DTD1: variants seen among roughly 807,000 people sequenced by gnomAD.
DTD1 encodes the protein D-aminoacyl-tRNA deacylase 1.
In DTD1, 13 loss-of-function variants were observed where a neutral mutation model predicts 25.6. The ratio of observed to expected loss-of-function variants is 0.51; its 90% CI spans 0.33 to 0.81. The LOEUF is 0.81. Among genes scored for constraint, DTD1 ranks in the 30% least tolerant of loss-of-function variants. The pLI, the probability that DTD1 is intolerant of heterozygous loss-of-function variation, is 0.02. For missense variants in DTD1, 193 were observed against 266.4 expected, an observed-to-expected ratio of 0.72 and a Z score of 1.92; for synonymous variants, 110 against 103.6, an observed-to-expected ratio of 1.06 and a Z score of -0.37.
In DTD1 at chr20:18,753,390, C is replaced by G. The variant is rs898113214; in HGVS notation, c.*19+9119C>G. Among the ~76,000 whole-genome samples the G allele has an allele frequency of 2.0e-4, 31 of 151,918 alleles. 1 individual carries two copies. Among genetic ancestry groups the G allele is most frequent in the Admixed American group, 2.0e-3 (31 of 15,248 alleles). On this transcript the variant is annotated intron_variant, in intron 5 of 5. Coordinates refer to ENST00000377452, the MANE Select transcript of DTD1 (RefSeq NM_080820.6). ...TGGGAGGCCGAGGCGGGTGGATCAC[C>G]TGAGGTCAGGAGTTCAAGATCAGCC...
At chr20:18,702,742 G>A (rs1286176867) in intron 4 of DTD1, among the ~76,000 whole-genome samples, 1 of 59,134 alleles carries the variant, frequency 1.7e-5, no homozygotes, top group Admixed American at 1.6e-4. Context: ...TCTGGAATGA[G>A]GCAAAAAAAA....
At chr20:18,633,960 T>C (rs1216899529) in intron 4 of DTD1, among the ~76,000 whole-genome samples, 1 of 152,144 alleles carries the variant, frequency 6.6e-6, no homozygotes. Flanking sequence ...GTCCTGGCAG[T>C]GATAAGTTGG....
intron 4 of DTD1, among the ~76,000 whole-genome samples, chr20:18,635,611 G>C (rs1298830694): frequency 6.6e-6 from 1 of 152,214 alleles, no homozygotes; most frequent in African/African-American, 2.4e-5. Context: ...GTCAGTGCCT[G>C]GGGGAATGCC....
intron 4 of DTD1, among the ~76,000 whole-genome samples, chr20:18,677,445 GA>G (rs1265008371): frequency 1.3e-5 from 2 of 151,998 alleles, no homozygotes; most frequent in African/African-American, 4.8e-5. Flanking sequence ...TCTTATTTAA[GA>G]ACACTTGACA....
intron 1 of DTD1, among the ~76,000 whole-genome samples, chr20:18,588,384 C>G (rs965037222): frequency 7.2e-5 from 11 of 152,152 alleles, no homozygotes; most frequent in African/African-American, 2.7e-4. Flanking sequence ...GACCAGCGCG[C>G]CTCATTCTCA....
chr20:18,742,083 C>T (rs1185572536), intron 4 of DTD1, among the ~76,000 whole-genome samples: 3 of 151,914 alleles, frequency 2.0e-5, no homozygotes, highest in Non-Finnish European at 2.9e-5. Context: ...TACAATATTG[C>T]TTTAGGGGAC....
chr20:18,596,295 G>A, intron 3 of DTD1, 54 bp downstream of exon 3: 4 of 1,463,082 alleles, frequency 2.7e-6, no homozygotes, highest in East Asian at 2.3e-5. Context: ...CCTGGATGGA[G>A]AGAAAAAAGA....
At chr20:18,756,185 A>G (rs186559971) in intron 5 of DTD1, among the ~76,000 whole-genome samples, 2 of 152,322 alleles carry the variant, frequency 1.3e-5, no homozygotes, top group East Asian at 3.9e-4. Context: ...TTCTCAGTTG[A>G]GTACACTGCA....
intron 4 of DTD1, among the ~76,000 whole-genome samples, chr20:18,649,986 G>C (rs969955861): frequency 6.6e-6 from 1 of 152,244 alleles, no homozygotes; most frequent in Non-Finnish European, 1.5e-5. Context: ...GTGGAGGCAG[G>C]TGGATTGCTT....
chr20:18,623,598 C>T (rs1301391949), intron 3 of DTD1, among the ~76,000 whole-genome samples: 1 of 152,168 alleles, frequency 6.6e-6, no homozygotes, highest in Non-Finnish European at 1.5e-5. Flanking sequence ...TCCTGTTTGC[C>T]TCACCTGGGA....
At chr20:18,588,946 C>T in intron 1 of DTD1, 3 of 895,006 alleles carry the variant, frequency 3.4e-6, no homozygotes, top group Non-Finnish European at 4.0e-6. Context: ...TTAGTCTTTT[C>T]TGTCTTTATT....
At chr20:18,614,422 T>C (rs1003949575) in intron 3 of DTD1, among the ~76,000 whole-genome samples, 1 of 152,226 alleles carries the variant, frequency 6.6e-6, no homozygotes, top group Non-Finnish European at 1.5e-5. Flanking sequence ...GAGGATTAGC[T>C]GTCTGCTTCG....
intron 4 of DTD1, among the ~76,000 whole-genome samples, chr20:18,661,817 G>A (rs550478102): frequency 1.2e-3 from 177 of 152,334 alleles, no homozygotes; most frequent in Non-Finnish European, 1.7e-3. Flanking sequence ...AGAAAAGGCT[G>A]ATAACAGGTA....
chr20:18,736,055 TCTAGAGTAATC>T (rs2061253924), intron 4 of DTD1, among the ~76,000 whole-genome samples: 1 of 152,178 alleles, frequency 6.6e-6, no homozygotes, highest in Admixed American at 6.5e-5. Flanking sequence ...ACATCCATAC[TCTAGAGTAATC>T]CTTCCTTTCA....
chr20:18,670,777 G>A (rs2060949030), intron 4 of DTD1, among the ~76,000 whole-genome samples: 1 of 152,228 alleles, frequency 6.6e-6, no homozygotes, highest in South Asian at 2.1e-4. Flanking sequence ...AATGAACAGA[G>A]AAGCCATGGA....
At chr20:18,676,009 T>C (rs1393106965) in intron 4 of DTD1, among the ~76,000 whole-genome samples, 3 of 152,218 alleles carry the variant, frequency 2.0e-5, no homozygotes, top group African/African-American at 7.2e-5. Flanking sequence ...GGCAGCCTAC[T>C]ATTCTGCCAT....
chr20:18,732,966 G>A (rs1568684420), intron 4 of DTD1, among the ~76,000 whole-genome samples: 1 of 152,202 alleles, frequency 6.6e-6, no homozygotes, highest in Non-Finnish European at 1.5e-5. Flanking sequence ...GAATTCTCAT[G>A]TTAACATGTG....
intron 4 of DTD1, among the ~76,000 whole-genome samples, chr20:18,702,748 A>C (rs1164122386): frequency 1.5e-5 from 1 of 65,964 alleles, no homozygotes; most frequent in African/African-American, 4.8e-5. Flanking sequence ...ATGAGGCAAA[A>C]AAAAAAAAAA....
At chr20:18,710,699 G>T (rs1447004222) in intron 4 of DTD1, among the ~76,000 whole-genome samples, 1 of 152,160 alleles carries the variant, frequency 6.6e-6, no homozygotes, top group African/African-American at 2.4e-5. Flanking sequence ...AAGATTCACT[G>T]TACTACTTCT....
Sources: gnomAD v4.1 joint callset for allele counts (sites outside exome capture counted in the v4.1 genomes callset) on GRCh38, gnomAD v4.1.1 for gene constraint, MANE v1.5 for transcripts, NCBI Gene and HGNC (gene_info 2026-07-23, HGNC 2026-07-21) for gene names.